The following PTPRN2 variants were observed in gnomAD, a reference collection of about 807,000 sequenced individuals.
PTPRN2 encodes the protein protein tyrosine phosphatase receptor type N2.
A neutral mutation model predicts 118.8 loss-of-function variants in PTPRN2; 74 were observed. The observed-to-expected ratio is 0.62, with a 90% confidence interval of 0.52 to 0.76. The LOEUF is 0.76. Ranked by LOEUF, PTPRN2 falls within the 30% of genes least tolerant of loss-of-function variation. PTPRN2 has a pLI of 0.00. For synonymous variants in PTPRN2, 641 were observed against 608.0 expected (o/e 1.05, Z -0.80); for missense variants, 1,481 against 1,394.4 (o/e 1.06, Z -0.99).
chr7:157,829,566 G>A (rs961847869), intron 12 of PTPRN2, among the ~76,000 whole-genome samples: 4 of 152,238 alleles, frequency 2.6e-5, no homozygotes, highest in African/African-American at 9.6e-5. Context: ...GCTCCAGCAA[G>A]ACTGACACGG....
chr7:158,492,132 C>T lies in PTPRN2; in HGVS notation c.113-2347G>A, dbSNP rs77225313. The stretch of plus-strand genomic sequence containing the variant: ...CCCTCCCGCCCCAGGCACACAGAGG[C>T]GCACAGAGAAGGAGCTGGGAGCAGT... On this transcript the variant is annotated intron_variant, in intron 1 of 22. Coordinates refer to ENST00000389418, the MANE Select transcript of PTPRN2 (RefSeq NM_002847.5). Among the ~76,000 whole-genome samples the T allele has an allele frequency of 1.7e-3, 259 of 152,312 alleles. 7 individuals are homozygous for T. In the East Asian group the frequency reaches 0.034, roughly 20 times the overall value.
At chr7:157,663,473 C>A (rs113892160) in intron 13 of PTPRN2, among the ~76,000 whole-genome samples, 1 of 152,230 alleles carries the variant, frequency 6.6e-6, no homozygotes, top group African/African-American at 2.4e-5. Flanking sequence ...CAGTCTGCTG[C>A]GCTCACGGGG....
intron 12 of PTPRN2, among the ~76,000 whole-genome samples, chr7:157,719,040 A>G (rs1236551980): frequency 1.3e-5 from 2 of 152,000 alleles, no homozygotes; most frequent in African/African-American, 4.8e-5. Flanking sequence ...GGGCTCCAGG[A>G]GGGGGTCTCC....
chr7:158,374,562 G>GA (rs368062927), intron 2 of PTPRN2, among the ~76,000 whole-genome samples: 177 of 152,076 alleles, frequency 1.2e-3, no homozygotes, highest in East Asian at 0.01. Context: ...ACTGAAGAAA[G>GA]AAAAAAAGAA....
chr7:158,418,937 C>T (rs1452703637), intron 2 of PTPRN2, among the ~76,000 whole-genome samples: 2 of 152,262 alleles, frequency 1.3e-5, no homozygotes. Context: ...TTTCCATACA[C>T]ACTTAGATTA....
At chr7:157,700,893 ATTTG>A (rs766548996) in intron 12 of PTPRN2, among the ~76,000 whole-genome samples, 25 of 152,194 alleles carry the variant, frequency 1.6e-4, no homozygotes, top group Admixed American at 5.2e-4. Flanking sequence ...GGGGCCTTTC[ATTTG>A]TTTGAGGTCG....
chr7:157,865,316 A>C (rs1433408507), intron 12 of PTPRN2: 2 of 152,116 alleles, frequency 1.3e-5, no homozygotes, highest in African/African-American at 4.8e-5. Context: ...TGAACATCCC[A>C]CTGGTTCATG....
intron 11 of PTPRN2, among the ~76,000 whole-genome samples, chr7:157,952,663 A>G (rs142512328): frequency 4.5e-4 from 69 of 152,068 alleles, no homozygotes; most frequent in African/African-American, 1.5e-3. Context: ...TCTCTAGTAA[A>G]TGTTTCCTTC....
At chr7:157,599,537 C>G (rs560275302) in intron 16 of PTPRN2, among the ~76,000 whole-genome samples, 1 of 152,306 alleles carries the variant, frequency 6.6e-6, no homozygotes, top group South Asian at 2.1e-4. Context: ...AAAAACTTAG[C>G]CACAATTTCC....
chr7:158,123,348 G>C (rs1031154374), intron 9 of PTPRN2, among the ~76,000 whole-genome samples: 1 of 152,238 alleles, frequency 6.6e-6, no homozygotes, highest in Non-Finnish European at 1.5e-5. Context: ...CGTGGTGACT[G>C]ACAGGCGCCA....
At chr7:158,370,421 G>A (rs1468657863) in intron 2 of PTPRN2, among the ~76,000 whole-genome samples, 1 of 151,876 alleles carries the variant, frequency 6.6e-6, no homozygotes, top group Admixed American at 6.6e-5. Context: ...GGGTGACAGA[G>A]CGAGACTCCA....
At chr7:157,669,696 T>A (rs1394042726) in intron 13 of PTPRN2, 1 of 367,538 alleles carries the variant, frequency 2.7e-6, no homozygotes, top group Non-Finnish European at 5.4e-6. Context: ...ACATGTTTCA[T>A]GTAAGTGAAA....
Position 157,668,915 on chromosome 7 carries a change from C to G in PTPRN2, c.2002-12364G>C, listed in dbSNP as rs151327574. Among the ~76,000 whole-genome samples the G allele has an allele frequency of 1.8e-3, 273 of 152,324 alleles. 1 individual carries two copies. The highest frequency in any genetic ancestry group is 6.4e-3 in the African/African-American group (264 of 41,568). Reference sequence around the variant, plus strand: ...AAAAAAAGGTTTCTTGTATAATCACCTCTCCCCGATCATGACACAGTTTTA... The same window carrying G: ...AAAAAAAGGTTTCTTGTATAATCACGTCTCCCCGATCATGACACAGTTTTA... On this transcript the variant is annotated intron_variant, in intron 13 of 22. Coordinates refer to ENST00000389418, the MANE Select transcript of PTPRN2 (RefSeq NM_002847.5).
chr7:157,731,395 C>G (rs1253769877), intron 12 of PTPRN2, among the ~76,000 whole-genome samples: 1 of 152,202 alleles, frequency 6.6e-6, no homozygotes, highest in Admixed American at 6.5e-5. Flanking sequence ...AGTACAAAAC[C>G]CATGGACAGA....
At chr7:158,047,040 C>T (rs1156608137) in intron 11 of PTPRN2, among the ~76,000 whole-genome samples, 2 of 152,238 alleles carry the variant, frequency 1.3e-5, no homozygotes, top group African/African-American at 4.8e-5. Context: ...ACGCCCCCGC[C>T]CCTCGCCCCG....
At chr7:158,358,459 T>C (rs1808565649) in intron 2 of PTPRN2, among the ~76,000 whole-genome samples, 1 of 152,004 alleles carries the variant, frequency 6.6e-6, no homozygotes, top group South Asian at 2.1e-4. Flanking sequence ...TTCATGAAAA[T>C]TTACCAGACT....
intron 3 of PTPRN2, among the ~76,000 whole-genome samples, chr7:158,253,388 T>C (rs1796813395): frequency 1.3e-5 from 2 of 152,336 alleles, no homozygotes; most frequent in Non-Finnish European, 1.5e-5. Context: ...ACGTGCTCCT[T>C]TCACAGAAGT....
In PTPRN2 at chr7:158,563,348, T is replaced by C. The variant is rs999725358; in HGVS notation, c.112+24210A>G. ...AAGAAGTACCCAAGTGGAACGCAGATACGGCACGTCAGTGAGAACAAAAGC... is the reference window on the plus strand; with the variant it reads ...AAGAAGTACCCAAGTGGAACGCAGACACGGCACGTCAGTGAGAACAAAAGC... On this transcript the variant is annotated intron_variant, in intron 1 of 22. Coordinates refer to ENST00000389418, the MANE Select transcript of PTPRN2 (RefSeq NM_002847.5). This position sits in a 1 kb window ranked among gnomAD's most constrained non-coding sequence, Gnocchi z 5.1. Among the ~76,000 whole-genome samples, 2 of 152,218 alleles carry C rather than the reference T, an allele frequency of 1.3e-5. No individual in the cohort carries two copies. Among genetic ancestry groups the C allele is most frequent in the Admixed American group, 1.3e-4 (2 of 15,284 alleles).
intron 12 of PTPRN2, among the ~76,000 whole-genome samples, chr7:157,884,556 G>C (rs905388218): frequency 6.6e-6 from 1 of 152,098 alleles, no homozygotes; most frequent in Non-Finnish European, 1.5e-5. Flanking sequence ...AAATACATAC[G>C]GGAGACTGGG....
Sources: gnomAD v4.1 joint callset for allele counts (sites outside exome capture counted in the v4.1 genomes callset) on GRCh38, gnomAD v4.1.1 for gene constraint, Gnocchi (gnomAD v3.1) non-coding constraint, MANE v1.5 for transcripts, NCBI Gene and HGNC (gene_info 2026-07-23, HGNC 2026-07-21) for gene names.